Variants in SBF2 observed in about 807,000 individuals in gnomAD.
SBF2 encodes the protein SET binding factor 2.
SBF2 carries 112 observed loss-of-function variants against 225.2 expected under a neutral mutation model. That is an observed-to-expected ratio of 0.50 (90% CI 0.43 to 0.58). The LOEUF is 0.58. SBF2 is among the 20% of genes least tolerant of loss of function. The pLI, the probability that SBF2 is intolerant of heterozygous loss-of-function variation, is 0.00. For synonymous variants in SBF2, 763 were observed against 773.3 expected, an observed-to-expected ratio of 0.99 and a Z score of 0.22; for missense variants, 1,996 against 2,206.2, an observed-to-expected ratio of 0.90 and a Z score of 1.91.
upstream of SBF2, among the ~76,000 whole-genome samples, chr11:10,297,318 C>G (rs960133107): frequency 6.6e-6 from 1 of 152,196 alleles, no homozygotes; most frequent in South Asian, 2.1e-4. Flanking sequence ...CCTAGCCCTC[C>G]CAAGGTACTA....
chr11:10,279,662 G>T (rs1963260934), intron 1 of SBF2, among the ~76,000 whole-genome samples: 1 of 151,966 alleles, frequency 6.6e-6, no homozygotes, highest in South Asian at 2.1e-4. Context: ...TTTTGTGTTT[G>T]TTTTTGAGAC....
At chr11:10,212,808 T>C (rs188092196) in intron 1 of SBF2, among the ~76,000 whole-genome samples, 1 of 152,268 alleles carries the variant, frequency 6.6e-6, no homozygotes, top group East Asian at 1.9e-4. Flanking sequence ...CCCCAGCACT[T>C]TGGGATGCCG....
At chr11:9,957,390 C>T (rs773939973) in intron 16 of SBF2, 17 of 152,270 alleles carry the variant, frequency 1.1e-4, no homozygotes, top group Non-Finnish European at 1.8e-4. Flanking sequence ...TTTGGTATCC[C>T]GTGACCTGTA....
At chr11:10,021,852 A>G (rs552049705) in intron 6 of SBF2, among the ~76,000 whole-genome samples, 12 of 152,330 alleles carry the variant, frequency 7.9e-5, no homozygotes, top group Admixed American at 2.0e-4. Context: ...GCCTTTATAT[A>G]GAATTATCAC....
At chr11:9,916,290 T>C (rs12417800) in intron 16 of SBF2, among the ~76,000 whole-genome samples, 31,352 of 152,128 alleles carry the variant, frequency 0.21, 4,146 homozygotes, top group Non-Finnish European at 0.3. Flanking sequence ...AAGAAAAATA[T>C]CCTGAAATGT....
intron 16 of SBF2, among the ~76,000 whole-genome samples, chr11:9,903,083 A>C (rs1259221419): frequency 6.6e-6 from 1 of 152,156 alleles, no homozygotes; most frequent in African/African-American, 2.4e-5. Flanking sequence ...GCACTTTGGG[A>C]GGCTGAGGCA....
At chr11:10,113,235 C>A (rs1225713651) in intron 2 of SBF2, among the ~76,000 whole-genome samples, 1 of 152,174 alleles carries the variant, frequency 6.6e-6, no homozygotes, top group East Asian at 1.9e-4. Flanking sequence ...CTCAAGCAGT[C>A]CTCCGAAATC....
At chr11:9,803,798 T>C (rs932114717) in intron 32 of SBF2, among the ~76,000 whole-genome samples, 2 of 151,544 alleles carry the variant, frequency 1.3e-5, no homozygotes, top group African/African-American at 4.9e-5. Flanking sequence ...GTGGGGAGAA[T>C]GGGAGGAAAC....
chr11:10,107,156 C>T (rs1232200552), intron 2 of SBF2, among the ~76,000 whole-genome samples: 1 of 152,196 alleles, frequency 6.6e-6, no homozygotes, highest in East Asian at 1.9e-4. Context: ...GGCCATTCAG[C>T]TTCTACAAAT....
At chr11:10,049,564 G>A (rs920276899) in intron 2 of SBF2, among the ~76,000 whole-genome samples, 6 of 151,948 alleles carry the variant, frequency 3.9e-5, no homozygotes, top group Non-Finnish European at 8.8e-5. Flanking sequence ...CAAAGATCGC[G>A]CTATTGCACT....
chr11:9,966,638 T>G (rs947156523), intron 14 of SBF2, among the ~76,000 whole-genome samples: 1 of 152,082 alleles, frequency 6.6e-6, no homozygotes, highest in African/African-American at 2.4e-5. Context: ...GGGGAAAAAT[T>G]AGCAAATAAT....
At chr11:9,828,549 C>G (rs546754389) in intron 28 of SBF2, 7 of 985,430 alleles carry the variant, frequency 7.1e-6, no homozygotes, top group Non-Finnish European at 8.4e-6. Context: ...GCCAAAGAGA[C>G]CAACTTCTCA....
intron 6 of SBF2, among the ~76,000 whole-genome samples, chr11:10,023,971 T>C (rs1590781686): frequency 6.6e-6 from 1 of 152,172 alleles, no homozygotes; most frequent in Non-Finnish European, 1.5e-5. Context: ...AGTTTCCTCA[T>C]GTCCCTTTGT....
chr11:10,222,897 C>G (rs1958392600), intron 1 of SBF2, among the ~76,000 whole-genome samples: 1 of 152,090 alleles, frequency 6.6e-6, no homozygotes, highest in African/African-American at 2.4e-5. Context: ...TTACCCAGGA[C>G]AGATAATGTC....
At chr11:10,230,244 TG>T (rs1182489690) in intron 1 of SBF2, among the ~76,000 whole-genome samples, 2 of 152,214 alleles carry the variant, frequency 1.3e-5, no homozygotes, top group Non-Finnish European at 2.9e-5. Flanking sequence ...AGAACACTGA[TG>T]GGTCTTGACT....
In SBF2 at chr11:10,063,858, C is replaced by CACAGAGAGAGAGAGAG. The variant is rs373423157; in HGVS notation, c.142-20878_142-20877insCTCTCTCTCTCTCTGT. ...ACACACACACACACACACACACACA[C>CACAGAGAGAGAGAGAG]AGAGAGAGAGAGAGAGAGAGAGAAA... On this transcript the variant is annotated intron_variant, in intron 2 of 39. Coordinates refer to ENST00000256190, the MANE Select transcript of SBF2 (RefSeq NM_030962.4). Among the ~76,000 whole-genome samples the CACAGAGAGAGAGAGAG allele has an allele frequency of 2.8e-3, 379 of 136,188 alleles. 1 individual carries two copies. The highest frequency in any genetic ancestry group is 0.011 in the Middle Eastern group (3 of 274). 89.3% of individuals were successfully genotyped at this position (136,188 alleles called of 152,430 possible).
intron 29 of SBF2, among the ~76,000 whole-genome samples, chr11:9,812,979 T>C (rs987316306): frequency 2.6e-5 from 4 of 152,204 alleles, no homozygotes; most frequent in Non-Finnish European, 5.9e-5. Flanking sequence ...TTCTGAGAAC[T>C]GGAAGAGCCT....
At chr11:10,171,506 G>A (rs960779051) in intron 2 of SBF2, among the ~76,000 whole-genome samples, 2 of 152,082 alleles carry the variant, frequency 1.3e-5, no homozygotes, top group African/African-American at 4.8e-5. Flanking sequence ...CATGATGAAG[G>A]ATCTTTTAAA....
chr11:9,783,677 C>T (rs1852180784), intron 38 of SBF2, among the ~76,000 whole-genome samples: 1 of 152,208 alleles, frequency 6.6e-6, no homozygotes, highest in African/African-American at 2.4e-5. Flanking sequence ...AGCTAAGAAC[C>T]TAACAGTAGT....
Sources: gnomAD v4.1 joint callset for allele counts (sites outside exome capture counted in the v4.1 genomes callset) on GRCh38, gnomAD v4.1.1 for gene constraint, MANE v1.5 for transcripts, NCBI Gene and HGNC (gene_info 2026-07-23, HGNC 2026-07-21) for gene names.